ONECUT3: variants seen among roughly 807,000 people sequenced by gnomAD.
ONECUT3 encodes one cut domain family member 3.
ONECUT3 carries 11 observed loss-of-function variants against 16.8 expected under a neutral mutation model. That is an observed-to-expected ratio of 0.66 (90% CI 0.41 to 1.09). The LOEUF is 1.09. Among genes scored for constraint, ONECUT3 ranks in the 50% least tolerant of loss-of-function variants. The pLI, the probability that ONECUT3 is intolerant of heterozygous loss-of-function variation, is 0.00. For missense variants in ONECUT3, 637 were observed against 629.9 expected, an observed-to-expected ratio of 1.01 and a Z score of -0.12; for synonymous variants, 344 against 310.7, an observed-to-expected ratio of 1.11 and a Z score of -1.13.
rs936087645 is a variant in ONECUT3, at chr19:1,766,743, C to T, written c.1193-8410C>T. Among the ~76,000 whole-genome samples, 4 of 152,038 alleles carry T rather than the reference C, an allele frequency of 2.6e-5. No individual in the cohort carries two copies. Among genetic ancestry groups the T allele is most frequent in the Admixed American group, 1.3e-4 (2 of 15,272 alleles). On this transcript the variant is annotated intron_variant, in intron 1 of 1. Coordinates refer to ENST00000382349, the MANE Select transcript of ONECUT3 (RefSeq NM_001080488.2). The surrounding 1 kb of genome is among the most constrained non-coding windows in gnomAD (Gnocchi z 4.0). ...AGGGCACTCGGGGAGCCCCACTGTC[C>T]CACCCGGCGCTCCAGGGCAGTGGCT...
Position 1,754,110 on chromosome 19 carries a change from G to T in ONECUT3, c.448G>T (p.Ala150Ser). ...HPHAHPHPAA[A>S]PPPPPPPQRL... is the part of the protein sequence containing the mutation. ...CCACGCGCACCCGCACCCGGCGGCC[G>T]CGCCGCCCCCGCCACCCCCGCCGCA... Residue 150 changes from alanine to serine, a missense_variant, in exon 1 of 2, where the codon GCG becomes TCG. Ala to Ser is a moderately conservative substitution (Grantham distance 99, BLOSUM62 1). Transcript: ENST00000382349. This position sits in a 1 kb window ranked among gnomAD's most constrained non-coding sequence, Gnocchi z 7.4. 9.9e-7 allele frequency: 1 copy of T among 1,014,854 alleles called. No individual in the cohort carries two copies. The highest frequency in any genetic ancestry group is 4.2e-5 in the South Asian group (1 of 23,910). The allele number at this position is 1,014,854 out of a possible 1,614,324, so 62.9% of individuals were successfully genotyped here.
chr19:1,757,149 C>G (rs576933274), intron 1 of ONECUT3, among the ~76,000 whole-genome samples: 57 of 152,006 alleles, frequency 3.7e-4, no homozygotes, highest in African/African-American at 1.3e-3. Flanking sequence ...GGGGTGGGCT[C>G]CCCGCAGCCG....
At chr19:1,761,499 C>G (rs2067946076) in intron 1 of ONECUT3, among the ~76,000 whole-genome samples, 1 of 152,188 alleles carries the variant, frequency 6.6e-6, no homozygotes, top group South Asian at 2.1e-4. Flanking sequence ...GCCTACAGTG[C>G]CTGACCCTGG....
chr19:1,763,224 C>T lies in ONECUT3; in HGVS notation c.1192+8370C>T, dbSNP rs553205212. 4.4e-3 allele frequency among the ~76,000 whole-genome samples: 662 copies of T among 151,702 alleles called. 5 individuals carry two copies. Among genetic ancestry groups the T allele is most frequent in the Middle Eastern group, 6.8e-3 (2 of 294 alleles). On this transcript the variant is annotated intron_variant, in intron 1 of 1. Coordinates refer to ENST00000382349, the MANE Select transcript of ONECUT3 (RefSeq NM_001080488.2). ...ACTAAAAATACAAAAATTAGCCGGGCGTGGTGGCACATGCCTGCAATCCCA... is the reference window on the plus strand; with the variant it reads ...ACTAAAAATACAAAAATTAGCCGGGTGTGGTGGCACATGCCTGCAATCCCA...
intron 1 of ONECUT3, among the ~76,000 whole-genome samples, chr19:1,774,294 G>T (rs1248982767): frequency 1.3e-5 from 2 of 152,032 alleles, no homozygotes; most frequent in Non-Finnish European, 2.9e-5. Context: ...GAGCTTGGTT[G>T]TCACAGCCAG....
Position 1,753,560 on chromosome 19 carries a change from C to A in ONECUT3, c.-103C>A. Reference sequence around the variant, plus strand: ...CCGGGCCGTGCGCCGCGCAGCCTGGCAGCCTCGCGCGCAGCCACCGGGGAG... The same window carrying A: ...CCGGGCCGTGCGCCGCGCAGCCTGGAAGCCTCGCGCGCAGCCACCGGGGAG... On this transcript the variant is annotated 5_prime_UTR_variant, in exon 1 of 2. Coordinates refer to ENST00000382349, the MANE Select transcript of ONECUT3 (RefSeq NM_001080488.2). The A allele has an allele frequency of 5.7e-6, 2 of 350,426 alleles. No individual in the cohort carries two copies. Among genetic ancestry groups the A allele is most frequent in the Non-Finnish European group, 8.2e-6 (2 of 244,984 alleles). The allele number at this position is 350,426 out of a possible 1,614,324, so 21.7% of individuals were successfully genotyped here. A position where few individuals can be genotyped will look rare whatever the true frequency, so the allele number is the denominator to read the frequency against.
chr19:1,760,020 C>A (rs984451655), intron 1 of ONECUT3, among the ~76,000 whole-genome samples: 2 of 152,200 alleles, frequency 1.3e-5, no homozygotes, highest in Non-Finnish European at 2.9e-5. Context: ...CAGGCTCCCG[C>A]CTCCCGTGCA....
rs1056750530 is a variant in ONECUT3 at position 1,778,012 on chromosome 19, A to C, written c.*2567A>C. 5.3e-5 allele frequency: 8 copies of C among 151,680 alleles called. No individual in the cohort carries two copies. Among genetic ancestry groups the C allele is most frequent in the Admixed American group, 2.0e-4 (3 of 15,216 alleles). 9.4% of individuals were successfully genotyped at this position (151,680 alleles called of 1,614,324 possible). A position where few individuals can be genotyped will look rare whatever the true frequency, so the allele number is the denominator to read the frequency against. ...CTCCCTCTCAAAAAAAAAAAAAAAA[A>C]AAAAAACTTTAGGTCCAAGAAGATG... On this transcript the variant is annotated 3_prime_UTR_variant, in exon 2 of 2. Transcript: ENST00000382349.
rs35088527 is a variant in ONECUT3, at chr19:1,758,862, G to C, written c.1192+4008G>C. ...TCACCGTCGCCGGGTCGATAGCTTC[G>C]GCCGTCTTCAAATATTGTTTAAATT... On this transcript the variant is annotated intron_variant, in intron 1 of 1. Coordinates refer to ENST00000382349, the MANE Select transcript of ONECUT3 (RefSeq NM_001080488.2). This position sits in a 1 kb window ranked among gnomAD's most constrained non-coding sequence, Gnocchi z 5.9. 0.036 allele frequency among the ~76,000 whole-genome samples: 5,516 copies of C among 152,194 alleles called. 333 individuals are homozygous for C. The highest frequency in any genetic ancestry group is 0.13 in the African/African-American group (5,247 of 41,498).
chr19:1,776,069 C>T lies in ONECUT3; in HGVS notation c.*624C>T, dbSNP rs990835152. On this transcript the variant is annotated 3_prime_UTR_variant, in exon 2 of 2. Transcript: ENST00000382349. The surrounding 1 kb of genome is among the most constrained non-coding windows in gnomAD (Gnocchi z 4.9). ...CCCTGCGGCCGAGAACTGAGCTGCCCCTCTCTGCGGCCAGGATTCCTCGTG... is the reference window on the plus strand; with the variant it reads ...CCCTGCGGCCGAGAACTGAGCTGCCTCTCTCTGCGGCCAGGATTCCTCGTG... 6.6e-6 allele frequency: 1 copy of T among 152,340 alleles called. No homozygotes were observed. The highest frequency in any genetic ancestry group is 2.4e-5 in the African/African-American group (1 of 41,458). The allele number at this position is 152,340 out of a possible 1,614,324, so 9.4% of individuals were successfully genotyped here.
rs1600336470 is a variant in ONECUT3, at chr19:1,754,319, G to A, written c.657G>A (p.Pro219=). Residue 219 remains proline, a synonymous_variant, in exon 1 of 2, where the codon CCG becomes CCA. Transcript: ENST00000382349. The surrounding 1 kb of genome is among the most constrained non-coding windows in gnomAD (Gnocchi z 7.4). Reference sequence around the variant, plus strand: ...ACGGCGCCCCGCAGCCCCCGCCGCCGCCACCACCCCCGCCGCTGGCCGCCT... The same window carrying A: ...ACGGCGCCCCGCAGCCCCCGCCGCCACCACCACCCCCGCCGCTGGCCGCCT... The part of the protein sequence containing the change: ...ALHGAPQPPP[P]PPPPPLAAYG... The A allele has an allele frequency of 3.8e-6, 4 of 1,050,814 alleles. No homozygotes were observed. Among genetic ancestry groups the A allele is most frequent in the South Asian group, 8.1e-5 (2 of 24,608 alleles). The allele number at this position is 1,050,814 out of a possible 1,614,324, so 65.1% of individuals were successfully genotyped here.
Position 1,764,313 on chromosome 19 carries a change from G to C in ONECUT3, c.1192+9459G>C, listed in dbSNP as rs1201243959. Among the ~76,000 whole-genome samples the C allele has an allele frequency of 2.0e-5, 3 of 152,214 alleles. No homozygotes were observed. The highest frequency in any genetic ancestry group is 4.8e-5 in the African/African-American group (2 of 41,456). ...GCCCAGCCTCCAGATGGAGCCACGA[G>C]GGAGGGACAGCCCGAGAGTCCAAGT... is the stretch of plus-strand genomic sequence containing the variant. On this transcript the variant is annotated intron_variant, in intron 1 of 1. Coordinates refer to ENST00000382349, the MANE Select transcript of ONECUT3 (RefSeq NM_001080488.2). This position sits in a 1 kb window ranked among gnomAD's most constrained non-coding sequence, Gnocchi z 5.0.
chr19:1,761,528 G>C (rs1443683751), intron 1 of ONECUT3, among the ~76,000 whole-genome samples: 6 of 152,354 alleles, frequency 3.9e-5, no homozygotes, highest in African/African-American at 1.4e-4. Flanking sequence ...GTGGATGTGG[G>C]AGGGGACTTC....
Position 1,764,155 on chromosome 19 carries a change from G to A in ONECUT3, c.1192+9301G>A, listed in dbSNP as rs547940387. On this transcript the variant is annotated intron_variant, in intron 1 of 1. Transcript: ENST00000382349. The surrounding 1 kb of genome is among the most constrained non-coding windows in gnomAD (Gnocchi z 5.0). ...CGTAACATTTTTTTTAAAAATCAAC[G>A]CCTTGTGCGTGCGTGTGTTTGCCCA... is the stretch of plus-strand genomic sequence containing the variant. Among the ~76,000 whole-genome samples the A allele has an allele frequency of 2.0e-5, 3 of 152,124 alleles. No individual in the cohort carries two copies. The highest frequency in any genetic ancestry group is 2.1e-4 in the South Asian group (1 of 4,810).
intron 1 of ONECUT3, among the ~76,000 whole-genome samples, chr19:1,765,743 T>C (rs1568596757): frequency 6.6e-6 from 1 of 152,174 alleles, no homozygotes; most frequent in African/African-American, 2.4e-5. Flanking sequence ...AGGAACCTGA[T>C]GTCCAGAGAG....
rs1021456257 is a variant in ONECUT3, at chr19:1,764,811, C to G, written c.1192+9957C>G. Among the ~76,000 whole-genome samples, 3 of 128,092 alleles carry G rather than the reference C, an allele frequency of 2.3e-5. No individual in the cohort carries two copies. Among genetic ancestry groups the G allele is most frequent in the East Asian group, 2.2e-4 (1 of 4,448 alleles). The allele number at this position is 128,092 out of a possible 152,430, so 84.0% of individuals were successfully genotyped here. On this transcript the variant is annotated intron_variant, in intron 1 of 1. Transcript: ENST00000382349. The surrounding 1 kb of genome is among the most constrained non-coding windows in gnomAD (Gnocchi z 5.0). ...CTGGAGAGGCCACGGGGGGGGGATG[C>G]GCAGGGGGGACAAGACACCAGCATG...
At chr19:1,756,178 C>G (rs2145956054) in intron 1 of ONECUT3, among the ~76,000 whole-genome samples, 1 of 152,222 alleles carries the variant, frequency 6.6e-6, no homozygotes, top group East Asian at 1.9e-4. Flanking sequence ...GCCATTCCCT[C>G]CCTCCACCCC....
At chr19:1,774,597 G>A (rs1033920391) in intron 1 of ONECUT3, among the ~76,000 whole-genome samples, 2 of 152,042 alleles carry the variant, frequency 1.3e-5, no homozygotes, top group African/African-American at 4.8e-5. Flanking sequence ...AACACCCCCA[G>A]GTTGGGGCTG....
Position 1,764,115 on chromosome 19 carries a change from C to T in ONECUT3, c.1192+9261C>T, listed in dbSNP as rs897584309. Among the ~76,000 whole-genome samples the T allele has an allele frequency of 1.3e-5, 2 of 152,236 alleles. No individual in the cohort carries two copies. The highest frequency in any genetic ancestry group is 1.3e-4 in the Admixed American group (2 of 15,284). On this transcript the variant is annotated intron_variant, in intron 1 of 1. Coordinates refer to ENST00000382349, the MANE Select transcript of ONECUT3 (RefSeq NM_001080488.2). The surrounding 1 kb of genome is among the most constrained non-coding windows in gnomAD (Gnocchi z 5.0). ...TCTTTTTCAAATCCATTTCCCACTG[C>T]AGGCGCTGTGTCTCCGTAACATTTT...
Sources: gnomAD v4.1 joint callset for allele counts (sites outside exome capture counted in the v4.1 genomes callset) on GRCh38, gnomAD v4.1.1 for gene constraint, Gnocchi (gnomAD v3.1) non-coding constraint, MANE v1.5 for transcripts, NCBI Gene and HGNC (gene_info 2026-07-23, HGNC 2026-07-21) for gene names.